The following NTM variants were observed in gnomAD, a reference collection of about 807,000 sequenced individuals.
NTM encodes neurotrimin, also known as IgLON family member 2.
NTM carries 13 observed loss-of-function variants against 42.1 expected under a neutral mutation model. The ratio of observed to expected loss-of-function variants is 0.31; its 90% CI spans 0.20 to 0.49. The LOEUF (loss-of-function observed/expected upper bound fraction) is 0.49, where lower values mean the gene tolerates loss of function less well. Ranked by LOEUF, NTM falls within the 20% of genes least tolerant of loss-of-function variation. The probability of loss-of-function intolerance (pLI) is 0.99; values close to 1 mark genes in which losing one functional copy is unlikely to be tolerated. For missense variants in NTM, 373 were observed against 452.8 expected (o/e 0.82, Z 1.60); for synonymous variants, 187 against 179.2 (o/e 1.04, Z -0.35).
At chr11:131,542,151 T>G (rs2136811009) in intron 1 of NTM, among the ~76,000 whole-genome samples, 1 of 152,302 alleles carries the variant, frequency 6.6e-6, no homozygotes, top group Non-Finnish European at 1.5e-5. Flanking sequence ...CATGTGTTGT[T>G]TGCATTAAAG....
chr11:131,753,259 A>G (rs1176633624), intron 1 of NTM, among the ~76,000 whole-genome samples: 2 of 152,088 alleles, frequency 1.3e-5, no homozygotes, highest in South Asian at 4.1e-4. Flanking sequence ...TGGAGAGGAT[A>G]TGGAGAAATA....
intron 1 of NTM, among the ~76,000 whole-genome samples, chr11:131,584,153 C>T (rs1420464576): frequency 6.6e-6 from 1 of 152,214 alleles, no homozygotes; most frequent in African/African-American, 2.4e-5. Context: ...TTTGCTGACA[C>T]CAGCCATGAG....
chr11:131,497,360 T>A (rs318973), intron 1 of NTM, among the ~76,000 whole-genome samples: 1 of 151,426 alleles, frequency 6.6e-6, no homozygotes, highest in African/African-American at 2.4e-5. Context: ...GGCTAACTTT[T>A]GTATTTTTAG....
At chr11:131,471,730 G>A (rs890708457) in intron 1 of NTM, among the ~76,000 whole-genome samples, 1 of 152,150 alleles carries the variant, frequency 6.6e-6, no homozygotes, top group Non-Finnish European at 1.5e-5. Context: ...GCTTACTCCA[G>A]GGTCTCCAGC....
chr11:131,610,175 C>T (rs59132816), intron 1 of NTM, among the ~76,000 whole-genome samples: 3,818 of 152,230 alleles, frequency 0.025, 123 homozygotes, highest in African/African-American at 0.085. Flanking sequence ...GAAAATAAAC[C>T]TAGTTCAAGC....
chr11:131,399,435 G>T (rs376869989), intron 1 of NTM, among the ~76,000 whole-genome samples: 2 of 152,176 alleles, frequency 1.3e-5, no homozygotes, highest in South Asian at 2.1e-4. Context: ...CTGCCTTCTA[G>T]GTGCTAGGTA....
chr11:132,104,937 GTATATATATATATATATATA>G (rs534897526), intron 2 of NTM, among the ~76,000 whole-genome samples: 1,696 of 61,838 alleles, frequency 0.027, 234 homozygotes, highest in African/African-American at 0.07. Context: ...ATATACATAT[GTATATATATATATATATATA>G]TATATATATA....
At chr11:131,799,501 G>GT (rs2091924655) in intron 1 of NTM, among the ~76,000 whole-genome samples, 2 of 152,148 alleles carry the variant, frequency 1.3e-5, no homozygotes, top group Admixed American at 1.3e-4. Flanking sequence ...TCATGAAGAG[G>GT]TCTGGGTTGG....
chr11:131,789,637 A>AAGAAGAAGAAGAAGAAG lies in NTM; in HGVS notation c.83-121925_83-121909dup, dbSNP rs2090491154. Among the ~76,000 whole-genome samples, 4 of 24,396 alleles carry AAGAAGAAGAAGAAGAAG rather than the reference A, an allele frequency of 1.6e-4. 1 individual carries two copies. Among genetic ancestry groups the AAGAAGAAGAAGAAGAAG allele is most frequent in the Non-Finnish European group, 3.7e-4 (4 of 10,836 alleles). 16.0% of individuals were successfully genotyped at this position (24,396 alleles called of 152,430 possible). ...AGAAGAAGAAGAAGAAGAAGAAGAA[A>AAGAAGAAGAAGAAGAAG]AGAAGAAGAAGAAGAAGAAGAAGAA... On this transcript the variant is annotated intron_variant, in intron 1 of 8. Coordinates refer to ENST00000683400, the MANE Select transcript of NTM (RefSeq NM_001352005.2).
chr11:131,407,239 T>C (rs998047671), intron 1 of NTM, among the ~76,000 whole-genome samples: 5 of 152,168 alleles, frequency 3.3e-5, no homozygotes, highest in African/African-American at 1.2e-4. Flanking sequence ...AGGACCGAAG[T>C]GACTCAATGT....
At chr11:132,021,420 C>T (rs1285599148) in intron 2 of NTM, among the ~76,000 whole-genome samples, 3 of 152,090 alleles carry the variant, frequency 2.0e-5, no homozygotes, top group African/African-American at 7.2e-5. Flanking sequence ...TTGTATGGGT[C>T]ACAGTTTCCT....
At chr11:131,459,255 C>A (rs921204) in intron 1 of NTM, among the ~76,000 whole-genome samples, 9,238 of 152,244 alleles carry the variant, frequency 0.061, 654 homozygotes, top group East Asian at 0.21. Flanking sequence ...AAACAGGTGC[C>A]CATTGTCCTC....
chr11:131,816,815 G>A (rs1243939149), intron 1 of NTM, among the ~76,000 whole-genome samples: 1 of 150,322 alleles, frequency 6.7e-6, no homozygotes, highest in Non-Finnish European at 1.5e-5. Context: ...TTAGAGTTGA[G>A]GTTTTAGGTC....
At chr11:132,219,770 A>G (rs1321333679) in intron 4 of NTM, among the ~76,000 whole-genome samples, 1 of 152,208 alleles carries the variant, frequency 6.6e-6, no homozygotes, top group African/African-American at 2.4e-5. Flanking sequence ...ATAACAACAC[A>G]TAGTATGTGT....
At chr11:131,695,388 G>T (rs930138617) in intron 1 of NTM, among the ~76,000 whole-genome samples, 24 of 152,122 alleles carry the variant, frequency 1.6e-4, no homozygotes, top group Non-Finnish European at 1.9e-4. Flanking sequence ...ATGACTTTAC[G>T]CAAACCTTCA....
At chr11:131,936,245 C>T (rs2059203919) in intron 2 of NTM, among the ~76,000 whole-genome samples, 2 of 152,296 alleles carry the variant, frequency 1.3e-5, no homozygotes, top group Non-Finnish European at 2.9e-5. Flanking sequence ...CAGGATTAAA[C>T]TTCAGTTTAT....
At chr11:131,574,838 T>C (rs565489129) in intron 1 of NTM, among the ~76,000 whole-genome samples, 5 of 151,988 alleles carry the variant, frequency 3.3e-5, no homozygotes, top group African/African-American at 1.2e-4. Context: ...GGCTGCTCCC[T>C]CCCCACTCCC....
At chr11:131,963,399 A>G (rs1171616753) in intron 2 of NTM, among the ~76,000 whole-genome samples, 1 of 152,230 alleles carries the variant, frequency 6.6e-6, no homozygotes, top group African/African-American at 2.4e-5. Context: ...TATTTTTGTT[A>G]TACTGGGTGT....
intron 1 of NTM, among the ~76,000 whole-genome samples, chr11:131,521,441 T>A (rs989060350): frequency 1.5e-4 from 16 of 109,968 alleles, no homozygotes; most frequent in Non-Finnish European, 1.7e-5. Context: ...AGTCTCGCTC[T>A]GTCGCCCAGG....
Sources: gnomAD v4.1 joint callset for allele counts (sites outside exome capture counted in the v4.1 genomes callset) on GRCh38, gnomAD v4.1.1 for gene constraint, MANE v1.5 for transcripts, NCBI Gene and HGNC (gene_info 2026-07-23, HGNC 2026-07-21) for gene names.